KDM2B: variants seen among roughly 807,000 people sequenced by gnomAD.
The protein encoded by KDM2B is lysine demethylase 2B.
Under a neutral mutation model 150.0 loss-of-function variants are expected in KDM2B, and 26 were observed. The ratio of observed to expected loss-of-function variants is 0.17; its 90% confidence interval spans 0.13 to 0.24. The LOEUF (loss-of-function observed/expected upper bound fraction) is 0.24, where lower values mean the gene tolerates loss of function less well. Among genes scored for constraint, KDM2B ranks in the 10% least tolerant of loss-of-function variants. KDM2B has a pLI of 1.00. For synonymous variants in KDM2B, 734 were observed against 729.5 expected, an observed-to-expected ratio of 1.01 and a Z score of -0.10; for missense variants, 1,265 against 1,816.9, an observed-to-expected ratio of 0.70 and a Z score of 5.52.
intron 12 of KDM2B, among the ~76,000 whole-genome samples, chr12:121,481,730 C>A (rs1472298583): frequency 6.6e-6 from 1 of 151,954 alleles, no homozygotes; most frequent in African/African-American, 2.4e-5. Context: ...CTCAAGATCT[C>A]AATTGCTTTT....
At chr12:121,423,457 G>A in the KDM2B span, 3,102 of 1,613,656 alleles carry the variant, frequency 1.9e-3, 2 homozygotes, top group Non-Finnish European at 2.4e-3. The surrounding 1 kb of genome is among the most constrained non-coding windows in gnomAD (Gnocchi z 4.3). Context: ...TGCCGTCATC[G>A]ACTGTGTCCT....
chr12:121,461,675 G>T (rs1879138562), intron 12 of KDM2B, among the ~76,000 whole-genome samples: 1 of 152,132 alleles, frequency 6.6e-6, no homozygotes, highest in African/African-American at 2.4e-5. Context: ...GACTGCTGTG[G>T]GCATGCGGAA....
At chr12:121,413,140 C>T in the KDM2B span, among the ~76,000 whole-genome samples, 1 of 151,938 alleles carries the variant, frequency 6.6e-6, no homozygotes, top group Admixed American at 6.6e-5. Context: ...ATTCTCCTGC[C>T]TCGGCCTTCC....
At chr12:121,473,484 C>A (rs1382420875) in intron 12 of KDM2B, among the ~76,000 whole-genome samples, 3 of 151,656 alleles carry the variant, frequency 2.0e-5, no homozygotes, top group Non-Finnish European at 4.4e-5. Context: ...TTTGGGAGGT[C>A]GAGGCAGGTG....
At chr12:121,491,194 G>A (rs1883306287) in intron 12 of KDM2B, among the ~76,000 whole-genome samples, 1 of 152,128 alleles carries the variant, frequency 6.6e-6, no homozygotes, top group South Asian at 2.1e-4. Context: ...GCACATCTGG[G>A]GTCCAACGCC....
chr12:121,439,297 G>C (rs1555287541), intron 22 of KDM2B, among the ~76,000 whole-genome samples: 1 of 152,020 alleles, frequency 6.6e-6, no homozygotes, highest in African/African-American at 2.4e-5. Context: ...CCGTATTTTG[G>C]GTCAGGAACC....
At position 121,549,990 on chromosome 12, in the gene KDM2B, A is replaced by G. The variant is rs1452865670; in HGVS notation, c.398-352T>C. On this transcript the variant is annotated intron_variant, in intron 4 of 22. Transcript: ENST00000377071. This position sits in a 1 kb window ranked among gnomAD's most constrained non-coding sequence, Gnocchi z 4.4. Reference sequence around the variant, plus strand: ...CAGGAGTTTGAGACCAGCCTGGCCAACATGGTGAAACCCTGTATCTACTAA... The same window carrying G: ...CAGGAGTTTGAGACCAGCCTGGCCAGCATGGTGAAACCCTGTATCTACTAA... 5.3e-5 allele frequency among the ~76,000 whole-genome samples: 8 copies of G among 152,186 alleles called. No homozygotes were observed. Among genetic ancestry groups the G allele is most frequent in the Non-Finnish European group, 1.2e-4 (8 of 68,028 alleles).
intron 8 of KDM2B, chr12:121,524,720 G>A (rs782690605): frequency 2.2e-5 from 10 of 453,434 alleles, no homozygotes; most frequent in Middle Eastern, 3.3e-4. Context: ...CATGAGAGCC[G>A]GTGCTCCCAG....
At chr12:121,416,466 C>A in the KDM2B span, 3 of 919,656 alleles carry the variant, frequency 3.3e-6, no homozygotes, top group South Asian at 3.0e-5. Context: ...ATTTTCATTT[C>A]TGTTTATAAA....
intron 12 of KDM2B, among the ~76,000 whole-genome samples, chr12:121,484,138 T>A (rs1882476079): frequency 6.6e-6 from 1 of 152,142 alleles, no homozygotes; most frequent in Non-Finnish European, 1.5e-5. Flanking sequence ...TCCCCTCTCC[T>A]GCAGGTGCTT....
Position 121,533,020 on chromosome 12 carries a change from G to T in KDM2B, c.778-61C>A. 1 of 1,578,748 alleles carries T rather than the reference G, an allele frequency of 6.3e-7. No homozygotes were observed. The highest frequency in any genetic ancestry group is 8.7e-7 in the Non-Finnish European group (1 of 1,152,494). On this transcript the variant is annotated intron_variant, in intron 7 of 22. Coordinates refer to ENST00000377071, the MANE Select transcript of KDM2B (RefSeq NM_032590.5). The surrounding 1 kb of genome is among the most constrained non-coding windows in gnomAD (Gnocchi z 4.1). ...AGGCCCAGACAAGACCCAGAGAGAG[G>T]GCCCCACCTGCCTGGCGGAAGGGGA...
In KDM2B at chr12:121,575,708, G is replaced by T; in HGVS notation, c.350+73C>A. 9.1e-7 allele frequency: 1 copy of T among 1,098,332 alleles called. No individual in the cohort carries two copies. The highest frequency in any genetic ancestry group is 1.4e-6 in the Non-Finnish European group (1 of 710,508). The allele number at this position is 1,098,332 out of a possible 1,614,324, so 68.0% of individuals were successfully genotyped here. On this transcript the variant is annotated intron_variant, in intron 3 of 22. Transcript: ENST00000377071. The surrounding 1 kb of genome is among the most constrained non-coding windows in gnomAD (Gnocchi z 4.4). ...GATGAGAGGTGGGAAGAGGGTGGAA[G>T]AAATCCATCCCAAGCTATAAAGTAT...
At position 121,475,182 on chromosome 12, in the gene KDM2B, CTGTGTGTGTGTGTG is replaced by C. The variant is rs60083867; in HGVS notation, c.1734+19383_1734+19396del. 2.1e-3 allele frequency among the ~76,000 whole-genome samples: 298 copies of C among 139,762 alleles called. 1 individual carries two copies. Among genetic ancestry groups the C allele is most frequent in the African/African-American group, 3.0e-3 (110 of 37,202 alleles). The allele number at this position is 139,762 out of a possible 152,430, so 91.7% of individuals were successfully genotyped here. ...CCCTGTCATTAAACTACACATGACT[CTGTGTGTGTGTGTG>C]TGTGTGTGTGTGTGTGTGTGTGTGT... On this transcript the variant is annotated intron_variant, in intron 12 of 22. Transcript: ENST00000377071.
intron 11 of KDM2B, among the ~76,000 whole-genome samples, chr12:121,500,296 C>T (rs1593962266): frequency 6.6e-6 from 1 of 152,124 alleles, no homozygotes; most frequent in Admixed American, 6.5e-5. Context: ...CAGCTCAGCC[C>T]CCTAAGGGTT....
At chr12:121,470,829 A>G (rs1024188944) in intron 12 of KDM2B, among the ~76,000 whole-genome samples, 3 of 152,174 alleles carry the variant, frequency 2.0e-5, no homozygotes, top group Non-Finnish European at 4.4e-5. Context: ...TTCAAATCCA[A>G]TTCCAAGGTG....
chr12:121,448,213 G>C (rs113266864), intron 13 of KDM2B, among the ~76,000 whole-genome samples: 1 of 150,238 alleles, frequency 6.7e-6, no homozygotes, highest in Non-Finnish European at 1.5e-5. Context: ...CCAGCTGCTC[G>C]GGAGACTGAG....
chr12:121,478,835 G>A (rs1555297292), intron 12 of KDM2B, among the ~76,000 whole-genome samples: 2 of 120,056 alleles, frequency 1.7e-5, no homozygotes, highest in Non-Finnish European at 3.7e-5. Flanking sequence ...CTACAGGCAC[G>A]TACCACCACA....
At position 121,444,104 on chromosome 12, in the gene KDM2B, G is replaced by A. The variant is rs782179924; in HGVS notation, c.2359C>T (p.Pro787Ser). 20 of 1,613,602 alleles carry A rather than the reference G, an allele frequency of 1.2e-5. No individual in the cohort carries two copies. Among genetic ancestry groups the A allele is most frequent in the Non-Finnish European group, 1.6e-5 (19 of 1,180,052 alleles). ...GACTTTCTGCGCAGAAGGCCGTCCG[G>A]CGGCACCTTCTTCGAGTGCTCATCC... Reference protein sequence around the residue: ...RSDEHSKKVPPDGLLRRKSDD... With the variant: ...RSDEHSKKVPSDGLLRRKSDD... Residue 787 changes from proline (P) to serine (S), a missense_variant, in exon 16 of 23, where the codon CCG becomes TCG. By Grantham distance (74) the Pro-to-Ser change is moderately conservative. Around this residue, in one of 11 missense-constraint regions of KDM2B, gnomAD observed 418 missense variants for 402.4 expected, o/e 1.04. Transcript: ENST00000377071.
chr12:121,541,425 C>T (rs1172830455), intron 6 of KDM2B, among the ~76,000 whole-genome samples: 3 of 71,592 alleles, frequency 4.2e-5, no homozygotes, highest in African/African-American at 5.6e-5. Flanking sequence ...AAAGGAAGGA[C>T]GGAGGGAAGG....
Sources: allele counts gnomAD v4.1 joint callset (sites outside exome capture counted in the v4.1 genomes callset), GRCh38; gene constraint gnomAD v4.1.1; regional missense constraint gnomAD v4.1.1; non-coding constraint Gnocchi (gnomAD v3.1); transcripts MANE v1.5; gene names NCBI Gene and HGNC (gene_info 2026-07-23, HGNC 2026-07-21).